The following RAB3GAP2 variants were observed in gnomAD, a reference collection of about 807,000 sequenced individuals.
RAB3GAP2 encodes the protein RAB3 GTPase activating non-catalytic protein subunit 2.
RAB3GAP2 carries 87 observed loss-of-function variants against 185.3 expected under a neutral mutation model. That is an observed-to-expected ratio of 0.47 (90% CI 0.39 to 0.56). RAB3GAP2 has a LOEUF of 0.56. Ranked by LOEUF, RAB3GAP2 falls within the 20% of genes least tolerant of loss-of-function variation. The pLI, the probability that RAB3GAP2 is intolerant of heterozygous loss-of-function variation, is 0.00. For missense variants in RAB3GAP2, 1,492 were observed against 1,638.2 expected (o/e 0.91, Z 1.54); for synonymous variants, 554 against 576.1 (o/e 0.96, Z 0.55).
At chr1:220,189,800 T>G in intron 16 of RAB3GAP2, 33 bp from the exon 17 acceptor site, 1 of 1,386,184 alleles carries the variant, frequency 7.2e-7, no homozygotes. Context: ...AGTAAAATTT[T>G]AATTTTTATA....
intron 1 of RAB3GAP2, among the ~76,000 whole-genome samples, chr1:220,260,396 C>A (rs991716259): frequency 5.9e-5 from 9 of 152,082 alleles, no homozygotes; most frequent in Admixed American, 4.6e-4. Context: ...ATATATACAC[C>A]ATGGAATACT....
In RAB3GAP2 at chr1:220,211,104, C is replaced by T. The variant is rs978188092; in HGVS notation, c.387-102G>A. 2.6e-6 allele frequency: 3 copies of T among 1,136,924 alleles called. No individual in the cohort carries two copies. In the East Asian group the frequency reaches 7.5e-5, roughly 28 times the overall value. The allele number at this position is 1,136,924 out of a possible 1,614,324, so 70.4% of individuals were successfully genotyped here. The stretch of plus-strand genomic sequence containing the variant: ...AAGGATAATAACTGGAAGATGACTT[C>T]TGTGAACCAGTTTTATTTGATGCAT... On this transcript the variant is annotated intron_variant, in intron 4 of 34. Transcript: ENST00000358951.
intron 1 of RAB3GAP2, among the ~76,000 whole-genome samples, chr1:220,253,172 T>A (rs1251710888): frequency 6.6e-6 from 1 of 152,132 alleles, no homozygotes; most frequent in Non-Finnish European, 1.5e-5. Flanking sequence ...CTTCTTGGGG[T>A]GGGACCCTGA....
chr1:220,245,019 CAGAGT>C (rs1016028809), intron 1 of RAB3GAP2, among the ~76,000 whole-genome samples: 4 of 152,010 alleles, frequency 2.6e-5, no homozygotes, highest in African/African-American at 7.3e-5. Flanking sequence ...AAATAATCAT[CAGAGT>C]AAACAGAAAA....
chr1:220,195,924 T>C (rs1458076090), intron 10 of RAB3GAP2, among the ~76,000 whole-genome samples: 2 of 152,144 alleles, frequency 1.3e-5, no homozygotes, highest in African/African-American at 4.8e-5. Context: ...TCTTTACAAC[T>C]CCTCATTTAC....
At chr1:220,272,202 C>T (rs1267652032) in intron 1 of RAB3GAP2, 21 bp downstream of exon 1, 5 of 1,573,910 alleles carry the variant, frequency 3.2e-6, no homozygotes, top group Non-Finnish European at 3.5e-6. Flanking sequence ...GAAGGAAGGG[C>T]GAGGCCAGAG....
chr1:220,162,925 A>C (rs1657988652), intron 27 of RAB3GAP2, among the ~76,000 whole-genome samples: 2 of 152,188 alleles, frequency 1.3e-5, no homozygotes, highest in African/African-American at 2.4e-5. Context: ...AAAATATATA[A>C]AAAACAAACA....
At chr1:220,156,021 G>A (rs1315824655) in intron 31 of RAB3GAP2, among the ~76,000 whole-genome samples, 3 of 151,602 alleles carry the variant, frequency 2.0e-5, no homozygotes, top group African/African-American at 7.3e-5. Context: ...TGTGATCTTG[G>A]CTCACTGCAA....
At chr1:220,153,609 TTTA>T (rs1657802947) in intron 32 of RAB3GAP2, 1 of 340,094 alleles carries the variant, frequency 2.9e-6, no homozygotes, top group Non-Finnish European at 5.1e-6. Context: ...ATTATTATTT[TTTA>T]TTATTATACT....
intron 2 of RAB3GAP2, among the ~76,000 whole-genome samples, chr1:220,214,942 A>G (rs1296800683): frequency 9.7e-6 from 1 of 103,320 alleles, no homozygotes; most frequent in East Asian, 2.7e-4. Context: ...CAAGAATAGT[A>G]GCATTATATA....
Position 220,151,200 on chromosome 1 carries a change from C to CACTAGGG in RAB3GAP2, c.*50_*51insCCCTAGT. On this transcript the variant is annotated 3_prime_UTR_variant, in exon 35 of 35. Coordinates refer to ENST00000358951, the MANE Select transcript of RAB3GAP2 (RefSeq NM_012414.4). ...GGTCTTACTATGTAAAATAACCATG[C>CACTAGGG]ACTACTTCATGTTATAATCATAATT... 6.4e-7 allele frequency: 1 copy of CACTAGGG among 1,550,786 alleles called. No individual in the cohort carries two copies. Among genetic ancestry groups the CACTAGGG allele is most frequent in the Non-Finnish European group, 8.9e-7 (1 of 1,125,234 alleles).
intron 1 of RAB3GAP2, among the ~76,000 whole-genome samples, chr1:220,248,273 T>G (rs1659857028): frequency 6.6e-6 from 1 of 152,292 alleles, no homozygotes; most frequent in South Asian, 2.1e-4. Context: ...GATGAAGTTA[T>G]GAGGACCTAA....
Position 220,162,198 on chromosome 1 carries a change from C to T in RAB3GAP2, c.3225G>A (p.Lys1075=), listed in dbSNP as rs1657974619. 6.4e-7 allele frequency: 1 copy of T among 1,555,478 alleles called. No homozygotes were observed. The highest frequency in any genetic ancestry group is 1.7e-4 in the Middle Eastern group (1 of 5,954). ...RFSAATYLMD[K]VGKSPKDRLC... Reference sequence around the variant, plus strand: ...AAGTCAATACATGAAACTACCTTACCTTATCCATTAAGTATGTAGCAGCAG... The same window carrying T: ...AAGTCAATACATGAAACTACCTTACTTTATCCATTAAGTATGTAGCAGCAG... Residue 1075 remains lysine (K), a splice_region_variant and synonymous_variant, in exon 28 of 35, where the codon AAG becomes AAA. Coordinates refer to ENST00000358951, the MANE Select transcript of RAB3GAP2 (RefSeq NM_012414.4).
chr1:220,261,294 T>C (rs1660133502), intron 1 of RAB3GAP2, among the ~76,000 whole-genome samples: 1 of 152,208 alleles, frequency 6.6e-6, no homozygotes, highest in Non-Finnish European at 1.5e-5. Flanking sequence ...TTCAACAACT[T>C]ACTCTTCATT....
At chr1:220,251,988 A>G (rs551687646) in intron 1 of RAB3GAP2, among the ~76,000 whole-genome samples, 71 of 152,146 alleles carry the variant, frequency 4.7e-4, no homozygotes, top group African/African-American at 1.7e-3. Flanking sequence ...CCATCTCTAC[A>G]AAGAAATAGA....
At chr1:220,196,216 C>A (rs1415844583) in intron 10 of RAB3GAP2, 34 bp downstream of exon 10, 1 of 1,602,162 alleles carries the variant, frequency 6.2e-7, no homozygotes, top group Admixed American at 1.7e-5. Context: ...AAATCAAGAG[C>A]AGCCTTACTC....
Position 220,167,749 on chromosome 1 carries a change from T to G in RAB3GAP2, c.2807-74A>C. 7 of 1,461,334 alleles carry G rather than the reference T, an allele frequency of 4.8e-6. No individual in the cohort carries two copies. The South Asian group carries it at 6.8e-5, about 14-fold the overall frequency. The allele number at this position is 1,461,334 out of a possible 1,614,324, so 90.5% of individuals were successfully genotyped here. On this transcript the variant is annotated intron_variant, in intron 24 of 34. Coordinates refer to ENST00000358951, the MANE Select transcript of RAB3GAP2 (RefSeq NM_012414.4). Reference sequence around the variant, plus strand: ...CAGTGTTTGCCAATGGGAGCCAATTTCCTTACGAAGAGATCTAAGTGCCAC... The same window carrying G: ...CAGTGTTTGCCAATGGGAGCCAATTGCCTTACGAAGAGATCTAAGTGCCAC...
chr1:220,258,786 G>C (rs116177746), intron 1 of RAB3GAP2, among the ~76,000 whole-genome samples: 100 of 152,220 alleles, frequency 6.6e-4, no homozygotes, highest in African/African-American at 2.3e-3. Context: ...AGGAAGAGAG[G>C]AGTCAAATTG....
chr1:220,164,922 T>C lies in RAB3GAP2; in HGVS notation c.3088-123A>G, dbSNP rs139917219. On this transcript the variant is annotated intron_variant, in intron 26 of 34. Transcript: ENST00000358951. Reference sequence around the variant, plus strand: ...AAACCACCTAAGAATGTTGCAATAATAACATGAAATTATTGGATAAGAAAT... The same window carrying C: ...AAACCACCTAAGAATGTTGCAATAACAACATGAAATTATTGGATAAGAAAT... 1.6e-4 allele frequency: 142 copies of C among 891,766 alleles called. No homozygotes were observed. In the African/African-American group the frequency reaches 2.1e-3, roughly 13 times the overall value. 55.2% of individuals were successfully genotyped at this position (891,766 alleles called of 1,614,324 possible). A position where few individuals can be genotyped will look rare whatever the true frequency, so the allele number is the denominator to read the frequency against.
Sources: gnomAD v4.1 joint callset for allele counts (sites outside exome capture counted in the v4.1 genomes callset) on GRCh38, gnomAD v4.1.1 for gene constraint, MANE v1.5 for transcripts, NCBI Gene and HGNC (gene_info 2026-07-23, HGNC 2026-07-21) for gene names.